The following UGT2B4 variants were observed in gnomAD, a reference collection of about 807,000 sequenced individuals.
UGT2B4 encodes UDP-glucuronosyltransferase 2B4.
Under a neutral mutation model 49.8 loss-of-function variants are expected in UGT2B4, and 49 were observed. That is an observed-to-expected ratio of 0.98 (90% CI 0.78 to 1.25). UGT2B4 has a LOEUF of 1.25. Among genes scored for constraint, UGT2B4 ranks in the 50% most tolerant of loss-of-function variants. The pLI, the probability that UGT2B4 is intolerant of heterozygous loss-of-function variation, is 0.00. For synonymous variants in UGT2B4, 246 were observed against 217.7 expected (o/e 1.13, Z -1.14); for missense variants, 729 against 627.7 (o/e 1.16, Z -1.73).
chr4:69,486,395 T>G (rs549111297), intron 4 of UGT2B4, among the ~76,000 whole-genome samples: 28 of 152,150 alleles, frequency 1.8e-4, no homozygotes, highest in Non-Finnish European at 4.0e-4. Flanking sequence ...GAAATAAAGA[T>G]ACTCTGACTC....
intron 1 of UGT2B4, among the ~76,000 whole-genome samples, chr4:69,522,658 TA>T (rs1464481960): frequency 2.0e-5 from 3 of 152,230 alleles, no homozygotes; most frequent in Admixed American, 6.5e-5. Flanking sequence ...GGCTGCTGAC[TA>T]ATCAGAAGAG....
chr4:69,506,328 T>C (rs1835827), intron 1 of UGT2B4, among the ~76,000 whole-genome samples: 29,655 of 151,708 alleles, frequency 0.2, 2,961 homozygotes, highest in Middle Eastern at 0.26. Context: ...AATAGAATTC[T>C]AGCTACAATA....
chr4:69,487,921 AT>A lies in UGT2B4; in HGVS notation c.1003-1226del, dbSNP rs199783815. Among the ~76,000 whole-genome samples, 810 of 152,050 alleles carry A rather than the reference AT, an allele frequency of 5.3e-3. 5 individuals carry two copies. Among genetic ancestry groups the A allele is most frequent in the African/African-American group, 0.017 (725 of 41,494 alleles). On this transcript the variant is annotated intron_variant, in intron 3 of 5. Coordinates refer to ENST00000305107, the MANE Select transcript of UGT2B4 (RefSeq NM_021139.3). ...TACCAAATTTAATATTAATTTATTC[AT>A]TTTTTTGAGTAATATGGGAAGTAGT...
intron 1 of UGT2B4, among the ~76,000 whole-genome samples, chr4:69,519,736 T>C (rs1238612704): frequency 6.6e-6 from 1 of 152,232 alleles, no homozygotes; most frequent in Non-Finnish European, 1.5e-5. Flanking sequence ...CAATGTAAAT[T>C]GAGAGTTAAT....
At chr4:69,507,990 G>A (rs953378692) in intron 1 of UGT2B4, among the ~76,000 whole-genome samples, 20 of 152,010 alleles carry the variant, frequency 1.3e-4, no homozygotes, top group African/African-American at 4.6e-4. Context: ...TCATCTATAA[G>A]AGACTTAAAC....
upstream of UGT2B4, among the ~76,000 whole-genome samples, chr4:69,499,428 T>A (rs2109818249): frequency 6.6e-6 from 1 of 152,316 alleles, no homozygotes; most frequent in South Asian, 2.1e-4. Flanking sequence ...GTTAATTTTC[T>A]GTTTTGAAAC....
intron 1 of UGT2B4, among the ~76,000 whole-genome samples, chr4:69,503,123 G>A (rs1285601202): frequency 2.0e-5 from 3 of 152,190 alleles, no homozygotes; most frequent in Non-Finnish European, 4.4e-5. Context: ...TCACATAATA[G>A]ACTTTAGCCC....
rs1245772436 is a variant in UGT2B4 at position 69,493,742 on chromosome 4, A to G, written c.821T>C (p.Val274Ala). The stretch of plus-strand genomic sequence containing the variant: ...GCAGTGGAGTCCTCCAACGAACTCA[A>G]CATTTGGTAAGAGTGGGTGAGGAAA... ...FQFPHPLLPN[V>A]EFVGGLHCKP... Residue 274 changes from valine (V) to alanine (A), a missense_variant, in exon 2 of 6, where the codon GTT becomes GCT. Transcript: ENST00000305107. 6.2e-7 allele frequency: 1 copy of G among 1,612,126 alleles called. No individual in the cohort carries two copies. The highest frequency in any genetic ancestry group is 1.1e-5 in the South Asian group (1 of 90,606).
At chr4:69,483,732 G>A (rs1457007534) in intron 5 of UGT2B4, among the ~76,000 whole-genome samples, 1 of 152,044 alleles carries the variant, frequency 6.6e-6, no homozygotes, top group Non-Finnish European at 1.5e-5. Flanking sequence ...TGAATTGATA[G>A]TAGCTGGGTT....
intron 5 of UGT2B4, among the ~76,000 whole-genome samples, chr4:69,483,927 T>A (rs1320071423): frequency 6.6e-6 from 1 of 152,152 alleles, no homozygotes; most frequent in Non-Finnish European, 1.5e-5. Context: ...GTATCCATAA[T>A]ACATAAATAG....
intron 5 of UGT2B4, among the ~76,000 whole-genome samples, chr4:69,484,456 T>A (rs959339661): frequency 1.3e-5 from 2 of 152,130 alleles, no homozygotes; most frequent in Non-Finnish European, 2.9e-5. Flanking sequence ...ATAAATGAAC[T>A]ATTAATACAC....
At chr4:69,507,200 A>G (rs767805355) in intron 1 of UGT2B4, among the ~76,000 whole-genome samples, 2 of 152,188 alleles carry the variant, frequency 1.3e-5, no homozygotes, top group African/African-American at 2.4e-5. Context: ...CCTAATCAAC[A>G]TAGTATTGGA....
At chr4:69,502,978 T>C (rs1213269882) in intron 1 of UGT2B4, among the ~76,000 whole-genome samples, 1 of 13,216 alleles carries the variant, frequency 7.6e-5, no homozygotes, top group Admixed American at 1.9e-3. Flanking sequence ...CCAGCACCTC[T>C]CTGGGGGGAT....
chr4:69,480,689 C>T lies in UGT2B4; in HGVS notation c.1532G>A (p.Cys511Tyr). Residue 511 changes from cysteine (C) to tyrosine (Y), a missense_variant, in exon 6 of 6, where the codon TGT (cysteine) becomes TAT (tyrosine). Cys to Tyr is a radical substitution (Grantham distance 194, BLOSUM62 -2). Coordinates refer to ENST00000305107, the MANE Select transcript of UGT2B4 (RefSeq NM_021139.3). ...VATVIFIITK[C>Y]LFCVWKFVRT... ...AACAAACTTCCAGACACAAAACAGA[C>T]ATTTTGTGATGATGAATATCACAGT... 6.2e-7 allele frequency: 1 copy of T among 1,613,962 alleles called. No individual in the cohort carries two copies. The highest frequency in any genetic ancestry group is 1.1e-5 in the South Asian group (1 of 91,076).
At chr4:69,482,867 A>C (rs1364074756) in intron 5 of UGT2B4, among the ~76,000 whole-genome samples, 1 of 151,706 alleles carries the variant, frequency 6.6e-6, no homozygotes. Flanking sequence ...CAGCCTCCCA[A>C]AGTGTCTTTT....
intron 1 of UGT2B4, among the ~76,000 whole-genome samples, chr4:69,504,369 C>T (rs1284583874): frequency 6.6e-6 from 1 of 152,100 alleles, no homozygotes; most frequent in Non-Finnish European, 1.5e-5. Context: ...ATAAAGAACT[C>T]TACTTTACAA....
upstream of UGT2B4, among the ~76,000 whole-genome samples, chr4:69,498,511 T>C (rs1181367383): frequency 6.6e-6 from 1 of 152,068 alleles, no homozygotes; most frequent in Non-Finnish European, 1.5e-5. Context: ...GGGCTTTTTT[T>C]TTTTTTTGGT....
chr4:69,494,989 G>T, intron 1 of UGT2B4, 152 bp downstream of exon 1: 2 of 693,508 alleles, frequency 2.9e-6, no homozygotes, highest in South Asian at 3.5e-5. Context: ...TTTCTATAGT[G>T]CTTGTGAGTT....
At chr4:69,502,118 T>TTTCTTTCTTTC (rs1728345086) in intron 1 of UGT2B4, among the ~76,000 whole-genome samples, 12 of 135,824 alleles carry the variant, frequency 8.8e-5, no homozygotes, top group African/African-American at 2.6e-4. Flanking sequence ...TCTTTCTTTC[T>TTTCTTTCTTTC]TTCTTTCTTT....
Sources: allele counts gnomAD v4.1 joint callset (sites outside exome capture counted in the v4.1 genomes callset), GRCh38; gene constraint gnomAD v4.1.1; transcripts MANE v1.5; gene names NCBI Gene and HGNC (gene_info 2026-07-23, HGNC 2026-07-21).